GFOD2: variants seen among roughly 807,000 people sequenced by gnomAD.
The protein encoded by GFOD2 is Gfo/Idh/MocA-like oxidoreductase domain containing 2.
A neutral mutation model predicts 24.6 loss-of-function variants in GFOD2; 9 were observed. The ratio of observed to expected loss-of-function variants is 0.37; its 90% CI spans 0.22 to 0.64. GFOD2 has a LOEUF of 0.64. GFOD2 is among the 30% of genes least tolerant of loss of function. The probability of loss-of-function intolerance (pLI) is 0.65; values close to 1 mark genes in which losing one functional copy is unlikely to be tolerated. For missense variants in GFOD2, 476 were observed against 532.5 expected, an observed-to-expected ratio of 0.89 and a Z score of 1.04; for synonymous variants, 211 against 224.8, an observed-to-expected ratio of 0.94 and a Z score of 0.55.
intron 2 of GFOD2, chr16:67,681,959 T>G: frequency 1.2e-6 from 1 of 864,396 alleles, no homozygotes; most frequent in Non-Finnish European, 1.4e-6. Flanking sequence ...GTAGGATGAT[T>G]GCCTGAGGTT....
At chr16:67,695,398 A>G (rs781466031) in intron 1 of GFOD2, among the ~76,000 whole-genome samples, 1 of 151,620 alleles carries the variant, frequency 6.6e-6, no homozygotes, top group African/African-American at 2.4e-5. Context: ...TACAATTTTC[A>G]TGTCCTGGAC....
Position 67,675,156 on chromosome 16 carries a change from C to A in GFOD2, c.1157G>T (p.Ter386LeuextTer35). The stretch of plus-strand genomic sequence containing the variant: ...GTGGCAAGGAGCCCAGGTGCAGGCT[C>A]ATAGGTTGTTCCGCTGAAGTGCCTC... ...LCEALQRNNL[*>L] The change falls in exon 3 of 3, where the codon TGA becomes TTA. Residue 386 changes from the stop codon to leucine, a stop_lost. Transcript: ENST00000268797. 6.2e-7 allele frequency: 1 copy of A among 1,609,930 alleles called. No homozygotes were observed.
At chr16:67,686,621 G>A (rs557970841) in intron 1 of GFOD2, among the ~76,000 whole-genome samples, 22 of 151,972 alleles carry the variant, frequency 1.4e-4, no homozygotes, top group Admixed American at 9.8e-4. Context: ...CCTGAGGTAA[G>A]GAGTTCAAAA....
intron 2 of GFOD2, chr16:67,682,986 T>C (rs2053239719): frequency 2.9e-6 from 1 of 341,444 alleles, no homozygotes; most frequent in Non-Finnish European, 4.1e-6. Flanking sequence ...TGTTTGCTTT[T>C]GAGACAGTCT....
chr16:67,694,024 T>C (rs1431894101), intron 1 of GFOD2, among the ~76,000 whole-genome samples: 3 of 151,970 alleles, frequency 2.0e-5, no homozygotes, highest in African/African-American at 7.3e-5. Flanking sequence ...TCTTGCTCTA[T>C]CACCCAGGCT....
chr16:67,675,516 T>C lies in GFOD2; in HGVS notation c.797A>G (p.Asp266Gly). 6.2e-7 allele frequency: 1 copy of C among 1,612,400 alleles called. No homozygotes were observed. Among genetic ancestry groups the C allele is most frequent in the Non-Finnish European group, 8.5e-7 (1 of 1,179,972 alleles). The change falls in exon 3 of 3, where the codon GAC (aspartate) becomes GGC (glycine). Residue 266 changes from aspartate to glycine, a missense_variant. Coordinates refer to ENST00000268797, the MANE Select transcript of GFOD2 (RefSeq NM_030819.4). Reference sequence around the variant, plus strand: ...GGCAGAGTTCTTCTGCCCATAGAGGTCGGCTCCCCGGGCGACGAGGCGTCC... The same window carrying C: ...GGCAGAGTTCTTCTGCCCATAGAGGCCGGCTCCCCGGGCGACGAGGCGTCC... ...SAGRLVARGA[D>G]LYGQKNSATQ...
intron 1 of GFOD2, among the ~76,000 whole-genome samples, chr16:67,693,651 C>T (rs961381058): frequency 3.3e-5 from 5 of 152,166 alleles, no homozygotes; most frequent in Non-Finnish European, 5.9e-5. Flanking sequence ...CAGTTCAGTG[C>T]ACTAATACAT....
chr16:67,703,575 C>A (rs1026148258), intron 1 of GFOD2, among the ~76,000 whole-genome samples: 1 of 152,160 alleles, frequency 6.6e-6, no homozygotes, highest in Non-Finnish European at 1.5e-5. Flanking sequence ...GTCACCCCTG[C>A]CCCTTTCTGT....
chr16:67,682,687 A>G, intron 2 of GFOD2: 1 of 985,408 alleles, frequency 1.0e-6, no homozygotes, highest in Non-Finnish European at 1.2e-6. Context: ...TTTTAGGAAA[A>G]ACTAATAATG....
intron 2 of GFOD2, among the ~76,000 whole-genome samples, chr16:67,678,935 A>G (rs758480655): frequency 6.6e-6 from 1 of 152,214 alleles, no homozygotes; most frequent in African/African-American, 2.4e-5. Flanking sequence ...TGGGAGGCCA[A>G]GGTGGGAGGA....
chr16:67,687,640 CAAAAAAA>C (rs11302803), intron 1 of GFOD2, among the ~76,000 whole-genome samples: 1 of 49,132 alleles, frequency 2.0e-5, no homozygotes, highest in Non-Finnish European at 4.7e-5. Context: ...GACTCCGTCT[CAAAAAAA>C]AAAAAAAAAA....
At chr16:67,693,830 G>A (rs1014889546) in intron 1 of GFOD2, among the ~76,000 whole-genome samples, 2 of 151,982 alleles carry the variant, frequency 1.3e-5, no homozygotes, top group African/African-American at 4.8e-5. Context: ...TGAGGTGGGA[G>A]GATTACTTGT....
chr16:67,712,851 C>A (rs1435469690), intron 1 of GFOD2, among the ~76,000 whole-genome samples: 1 of 100,324 alleles, frequency 1.0e-5, no homozygotes, highest in African/African-American at 7.8e-5. Context: ...GCGCCTCTTC[C>A]CCGCCGCCAT....
At chr16:67,711,502 T>C (rs2053473616) in intron 1 of GFOD2, among the ~76,000 whole-genome samples, 1 of 152,172 alleles carries the variant, frequency 6.6e-6, no homozygotes, top group Non-Finnish European at 1.5e-5. Flanking sequence ...CCCTTGGTGG[T>C]TCCATTCAGT....
chr16:67,681,508 A>G, intron 2 of GFOD2: 1 of 714,388 alleles, frequency 1.4e-6, no homozygotes, highest in Non-Finnish European at 1.7e-6. Context: ...TCCTGGGCTC[A>G]AGCTAACCTC....
chr16:67,706,789 A>G (rs548266088), intron 1 of GFOD2, among the ~76,000 whole-genome samples: 19 of 152,304 alleles, frequency 1.2e-4, no homozygotes, highest in Admixed American at 1.2e-3. Context: ...AGCTGAATAT[A>G]TATGTAACAA....
chr16:67,684,574 T>TA (rs2053251865), intron 2 of GFOD2: 1 of 177,864 alleles, frequency 5.6e-6, no homozygotes, highest in African/African-American at 2.4e-5. Flanking sequence ...CAGGCACCTG[T>TA]AATCCCAGCT....
chr16:67,689,359 A>G (rs978341661), intron 1 of GFOD2, among the ~76,000 whole-genome samples: 7 of 149,484 alleles, frequency 4.7e-5, no homozygotes. Context: ...ATTTTTAAGT[A>G]TATACATCAG....
At chr16:67,693,860 T>C (rs576036324) in intron 1 of GFOD2, among the ~76,000 whole-genome samples, 40 of 152,092 alleles carry the variant, frequency 2.6e-4, no homozygotes, top group Non-Finnish European at 1.0e-4. Context: ...TTTCAGGCTA[T>C]AGTGGGTTAT....
Sources: gnomAD v4.1 joint callset for allele counts (sites outside exome capture counted in the v4.1 genomes callset) on GRCh38, gnomAD v4.1.1 for gene constraint, MANE v1.5 for transcripts, NCBI Gene and HGNC (gene_info 2026-07-23, HGNC 2026-07-21) for gene names.